STARD13: variants seen among roughly 807,000 people sequenced by gnomAD.
The protein encoded by STARD13 is stAR-related lipid transfer protein 13.
A neutral mutation model predicts 106.4 loss-of-function variants in STARD13; 62 were observed. The observed-to-expected ratio is 0.58, with a 90% CI of 0.48 to 0.72. The LOEUF is 0.72. Ranked by LOEUF, STARD13 falls within the 30% of genes least tolerant of loss-of-function variation. The pLI, the probability that STARD13 is intolerant of heterozygous loss-of-function variation, is 0.00. For missense variants in STARD13, 1,387 were observed against 1,424.0 expected (o/e 0.97, Z 0.42); for synonymous variants, 565 against 553.0 (o/e 1.02, Z -0.31).
chr13:33,158,545 T>C (rs768932543), intron 3 of STARD13: 7 of 152,184 alleles, frequency 4.6e-5, no homozygotes, highest in Non-Finnish European at 7.3e-5. Context: ...GCATTTCAAA[T>C]ACATACATGA....
chr13:33,124,822 C>T lies in STARD13; in HGVS notation c.2082+1259G>A, dbSNP rs1043406373. On this transcript the variant is annotated intron_variant, in intron 7 of 13. Transcript: ENST00000336934. ...CTGGGGCATCTGTCAAAGAAGAGAA[C>T]CCTAGAAAAGTAGCCTGTCACCCTT... Among the ~76,000 whole-genome samples the T allele has an allele frequency of 3.3e-5, 5 of 152,124 alleles. No homozygotes were observed. The East Asian group carries it at 7.7e-4, about 23-fold the overall frequency.
chr13:33,434,881 G>A, the STARD13 span, among the ~76,000 whole-genome samples: 3 of 138,246 alleles, frequency 2.2e-5, no homozygotes, highest in East Asian at 6.6e-4. Context: ...AGAAAGGAAG[G>A]GAGGGAAGGA....
intron 1 of STARD13, 150 bp downstream of exon 1, chr13:33,285,320 C>G: frequency 1.2e-6 from 1 of 850,860 alleles, no homozygotes; most frequent in East Asian, 2.6e-5. Context: ...AAACTGCAGC[C>G]TAAAGTTATT....
At chr13:33,263,748 T>C (rs528801880) in intron 1 of STARD13, among the ~76,000 whole-genome samples, 184 of 152,334 alleles carry the variant, frequency 1.2e-3, no homozygotes, top group African/African-American at 4.2e-3. Flanking sequence ...ATGATTCTAG[T>C]TGGAGCATTC....
chr13:33,586,985 G>A, the STARD13 span, among the ~76,000 whole-genome samples: 3 of 152,088 alleles, frequency 2.0e-5, no homozygotes, highest in Non-Finnish European at 4.4e-5. Context: ...AGGCCTAGGC[G>A]GCTGGATCAC....
chr13:33,358,549 C>T, the STARD13 span, among the ~76,000 whole-genome samples: 1 of 152,120 alleles, frequency 6.6e-6, no homozygotes, highest in Admixed American at 6.5e-5. Flanking sequence ...CACCAATCGA[C>T]ACTCTGTATC....
chr13:33,325,081 T>G (rs2077758560), intron 1 of STARD13, among the ~76,000 whole-genome samples: 1 of 152,246 alleles, frequency 6.6e-6, no homozygotes, highest in African/African-American at 2.4e-5. Context: ...TTTGAGGACG[T>G]AAACTGAAAA....
rs777096221 is a variant in STARD13, at chr13:33,126,166, A to G, written c.1997T>C (p.Ile666Thr). The G allele has an allele frequency of 6.2e-7, 1 of 1,614,204 alleles. No individual in the cohort carries two copies. The highest frequency in any genetic ancestry group is 8.5e-7 in the Non-Finnish European group (1 of 1,180,028). Residue 666 changes from isoleucine to threonine, a missense_variant, in exon 7 of 14, where the codon ATA (isoleucine) becomes ACA (threonine). Coordinates refer to ENST00000336934, the MANE Select transcript of STARD13 (RefSeq NM_178006.4). ...CTGTCCCGTTCTTTGGACGTGGACT[A>G]TGAGAGGAACGCCAAAGACAGCCTT... ...KDKAVFGVPL[I>T]VHVQRTGQPL...
the STARD13 span, among the ~76,000 whole-genome samples, chr13:33,508,151 T>C: frequency 2.0e-5 from 3 of 152,196 alleles, no homozygotes; most frequent in Admixed American, 2.0e-4. Flanking sequence ...ACCACTCCTC[T>C]GCCATTCTCA....
chr13:33,453,745 A>G, the STARD13 span, among the ~76,000 whole-genome samples: 1 of 152,350 alleles, frequency 6.6e-6, no homozygotes, highest in East Asian at 1.9e-4. Flanking sequence ...GAAGATAAAA[A>G]CATTCTCCAA....
chr13:33,458,936 T>C, the STARD13 span, among the ~76,000 whole-genome samples: 74 of 150,300 alleles, frequency 4.9e-4, no homozygotes, highest in African/African-American at 1.7e-3. Context: ...TTCTCCTGCC[T>C]CAGTCTCCTA....
chr13:33,468,121 A>G, the STARD13 span, among the ~76,000 whole-genome samples: 1 of 152,198 alleles, frequency 6.6e-6, no homozygotes, highest in South Asian at 2.1e-4. Flanking sequence ...TTCTAATCCT[A>G]CCTTTCCAAA....
chr13:33,484,844 G>T, the STARD13 span, among the ~76,000 whole-genome samples: 3 of 152,148 alleles, frequency 2.0e-5, no homozygotes, highest in Non-Finnish European at 2.9e-5. Context: ...AGAAATAGAG[G>T]TAAGGTAATC....
At chr13:33,669,443 G>T in the STARD13 span, among the ~76,000 whole-genome samples, 1 of 151,874 alleles carries the variant, frequency 6.6e-6, no homozygotes, top group Non-Finnish European at 1.5e-5. Context: ...ACCATCGCCA[G>T]TGGTCCTTTG....
chr13:33,299,988 T>C (rs1294238873), intron 1 of STARD13, among the ~76,000 whole-genome samples: 1 of 152,218 alleles, frequency 6.6e-6, no homozygotes, highest in Non-Finnish European at 1.5e-5. Flanking sequence ...TCATCAGATC[T>C]TCAAAGGATG....
chr13:33,322,386 G>T (rs1055294833), intron 1 of STARD13, among the ~76,000 whole-genome samples: 4 of 152,150 alleles, frequency 2.6e-5, no homozygotes, highest in South Asian at 2.1e-4. Context: ...CGTTTGTACC[G>T]TTCTCCACGC....
chr13:33,431,594 A>T, the STARD13 span, among the ~76,000 whole-genome samples: 4 of 152,188 alleles, frequency 2.6e-5, no homozygotes, highest in African/African-American at 9.7e-5. Flanking sequence ...ATTAAGCAAT[A>T]CCCAATACTA....
At chr13:33,273,140 A>G (rs115599308) in intron 1 of STARD13, among the ~76,000 whole-genome samples, 189 of 152,364 alleles carry the variant, frequency 1.2e-3, no homozygotes, top group African/African-American at 4.4e-3. Flanking sequence ...TCAAAGTAGG[A>G]AAACTTGTCT....
the STARD13 span, among the ~76,000 whole-genome samples, chr13:33,541,171 C>CG: frequency 7.5e-4 from 112 of 149,064 alleles, no homozygotes; most frequent in Non-Finnish European, 1.3e-3. Context: ...ATGGGAAAGT[C>CG]GAAAAAAAAA....
Sources: allele counts gnomAD v4.1 joint callset (sites outside exome capture counted in the v4.1 genomes callset), GRCh38; gene constraint gnomAD v4.1.1; transcripts MANE v1.5; gene names NCBI Gene and HGNC (gene_info 2026-07-23, HGNC 2026-07-21).